Variants in GIPC1 observed in about 807,000 individuals in gnomAD.
GIPC1 encodes the protein GIPC PDZ domain containing family member 1.
In GIPC1, 15 loss-of-function variants were observed where a neutral mutation model predicts 28.5. The ratio of observed to expected loss-of-function variants is 0.53; its 90% CI spans 0.35 to 0.81. GIPC1 has a LOEUF of 0.81. GIPC1 is among the 30% of genes least tolerant of loss of function. The pLI is 0.01. For missense variants in GIPC1, 439 were observed against 481.9 expected, an observed-to-expected ratio of 0.91 and a Z score of 0.83; for synonymous variants, 224 against 206.1, an observed-to-expected ratio of 1.09 and a Z score of -0.74.
At chr19:14,495,196 C>T (rs1034064744) in intron 1 of GIPC1, among the ~76,000 whole-genome samples, 1 of 152,140 alleles carries the variant, frequency 6.6e-6, no homozygotes, top group African/African-American at 2.4e-5. Flanking sequence ...CTTCTCTGGA[C>T]CCAGGTAGTT....
At chr19:14,492,056 A>T (rs1436592723) in intron 2 of GIPC1, among the ~76,000 whole-genome samples, 2 of 151,852 alleles carry the variant, frequency 1.3e-5, no homozygotes, top group Non-Finnish European at 2.9e-5. Flanking sequence ...TGACAGAGTG[A>T]GGCTCCATCT....
rs780736806 is a variant in GIPC1 at position 14,480,755 on chromosome 19, G to A, written c.312C>T (p.Thr104=). 1.2e-6 allele frequency: 2 copies of A among 1,613,246 alleles called. No homozygotes were observed. Among genetic ancestry groups the A allele is most frequent in the Admixed American group, 1.7e-5 (1 of 59,948 alleles). The stretch of plus-strand genomic sequence containing the variant: ...GGAGCTTGTCCATGTCCACTTTGTG[G>A]GTGTTCAGGGTGCAGAACATCACCT... ...TAEVMFCTLN[T]HKVDMDKLLG... The change falls in exon 5 of 9, where the codon ACC becomes ACT. Residue 104 remains threonine (T), a synonymous_variant. Transcript: ENST00000393033.
chr19:14,485,610 C>T (rs2071816087), intron 3 of GIPC1, among the ~76,000 whole-genome samples: 2 of 149,282 alleles, frequency 1.3e-5, no homozygotes, highest in South Asian at 4.3e-4. Context: ...AGAGATCGTG[C>T]CAATGCACTC....
intron 3 of GIPC1, among the ~76,000 whole-genome samples, chr19:14,487,481 G>A (rs1179702222): frequency 1.1e-4 from 16 of 151,288 alleles, no homozygotes; most frequent in Admixed American, 9.9e-4. Context: ...TGATTCGCTC[G>A]CCTCAGCCTC....
intron 3 of GIPC1, among the ~76,000 whole-genome samples, chr19:14,490,920 A>G: frequency 6.7e-6 from 1 of 148,908 alleles, no homozygotes; most frequent in Non-Finnish European, 1.5e-5. Flanking sequence ...GCTTGCAGTG[A>G]GCCGAGATCA....
chr19:14,484,478 G>A (rs2071795371), intron 3 of GIPC1, among the ~76,000 whole-genome samples: 1 of 151,588 alleles, frequency 6.6e-6, no homozygotes, highest in Non-Finnish European at 1.5e-5. Context: ...GGGTGCGGTG[G>A]CTCATGCCTG....
intron 1 of GIPC1, among the ~76,000 whole-genome samples, chr19:14,493,606 C>T (rs2072016663): frequency 6.6e-6 from 1 of 151,900 alleles, no homozygotes; most frequent in Non-Finnish European, 1.5e-5. Flanking sequence ...TACAGGCACG[C>T]ACCACCACAT....
At position 14,482,769 on chromosome 19, in the gene GIPC1, T is replaced by C. The variant is rs1599351439; in HGVS notation, c.208A>G (p.Thr70Ala). ...FHTQLAHGSP[T>A]GRIEGFTNVK... Reference sequence around the variant, plus strand: ...TTGGTGAAGCCCTCGATGCGGCCAGTGGGACTGCCATGGGCCAGCTGGGTG... The same window carrying C: ...TTGGTGAAGCCCTCGATGCGGCCAGCGGGACTGCCATGGGCCAGCTGGGTG... The change falls in exon 4 of 9, where the codon ACT becomes GCT. Residue 70 changes from threonine to alanine, a missense_variant. Transcript: ENST00000393033. 3 of 1,609,990 alleles carry C rather than the reference T, an allele frequency of 1.9e-6. No individual in the cohort carries two copies. The highest frequency in any genetic ancestry group is 2.5e-6 in the Non-Finnish European group (3 of 1,179,282).
intron 4 of GIPC1, chr19:14,482,247 T>C (rs939966546): frequency 1.9e-5 from 4 of 208,072 alleles, no homozygotes; most frequent in South Asian, 1.4e-4. Context: ...TCTCAATCCA[T>C]CCATCCAATC....
At chr19:14,490,808 C>T (rs1333170527) in intron 3 of GIPC1, among the ~76,000 whole-genome samples, 2 of 149,192 alleles carry the variant, frequency 1.3e-5, no homozygotes, top group African/African-American at 5.0e-5. Context: ...CCCGTCTCTA[C>T]TAAAAATACA....
intron 3 of GIPC1, among the ~76,000 whole-genome samples, chr19:14,484,774 C>T (rs2071800376): frequency 6.6e-6 from 1 of 151,922 alleles, no homozygotes; most frequent in Non-Finnish European, 1.5e-5. Flanking sequence ...ACAAAAAACA[C>T]TTTTTGCAGA....
rs533523670 is a variant in GIPC1 at position 14,484,714 on chromosome 19, G to A, written c.-30-1708C>T. 2.0e-5 allele frequency among the ~76,000 whole-genome samples: 3 copies of A among 151,732 alleles called. No homozygotes were observed. The South Asian group carries it at 6.3e-4, about 32-fold the overall frequency. On this transcript the variant is annotated intron_variant, in intron 3 of 8. Transcript: ENST00000393033. ...GTGAGCTGAGACCGTGCCATTGCCT[G>A]GGTGACAGAATGACACTCCATCTCA...
chr19:14,483,288 T>C (rs2071771770), intron 3 of GIPC1: 2 of 309,344 alleles, frequency 6.5e-6, no homozygotes, highest in East Asian at 6.8e-5. Context: ...AAACCCCACC[T>C]CTACTAAAAA....
rs772666802 is a variant in GIPC1, at chr19:14,480,790, G to A, written c.289-12C>T. Reference sequence around the variant, plus strand: ...GTGCAGAACATCACCTGCAGGGGTGGGAGACGCTGAAACCTCTTCCCCCTC... The same window carrying A: ...GTGCAGAACATCACCTGCAGGGGTGAGAGACGCTGAAACCTCTTCCCCCTC... On this transcript the variant is annotated splice_polypyrimidine_tract_variant and intron_variant, in intron 4 of 8. Coordinates refer to ENST00000393033, the MANE Select transcript of GIPC1 (RefSeq NM_005716.4). 1 of 1,597,008 alleles carries A rather than the reference G, an allele frequency of 6.3e-7. No homozygotes were observed. The highest frequency in any genetic ancestry group is 1.1e-5 in the South Asian group (1 of 90,118).
intron 1 of GIPC1, 36 bp from the exon 2 acceptor site, chr19:14,492,948 T>A (rs2072002220): frequency 6.6e-6 from 1 of 152,258 alleles, no homozygotes. Flanking sequence ...ACTCTCAAGG[T>A]GGTTGTGGAA....
In GIPC1 at chr19:14,478,599, A is replaced by G. The variant is rs373226330; in HGVS notation, c.851-32T>C. ...GGGGAGGGGTCAGAACGGAGGCACA[A>G]ATGACACCAGGGACCAAGGGGCTCA... On this transcript the variant is annotated intron_variant, in intron 8 of 8. Coordinates refer to ENST00000393033, the MANE Select transcript of GIPC1 (RefSeq NM_005716.4). The surrounding 1 kb of genome is among the most constrained non-coding windows in gnomAD (Gnocchi z 5.2). The G allele has an allele frequency of 7.4e-6, 12 of 1,613,428 alleles. No individual in the cohort carries two copies. The highest frequency in any genetic ancestry group is 1.3e-5 in the African/African-American group (1 of 74,832).
intron 7 of GIPC1, 60 bp downstream of exon 7, chr19:14,479,352 C>CAA (rs756237132): frequency 0.016 from 9,773 of 594,592 alleles, 11 homozygotes; most frequent in African/African-American, 0.029. Context: ...GACTCTGTCT[C>CAA]AAAAAAAAAA....
chr19:14,479,708 G>A (rs1032752733), intron 6 of GIPC1, 184 bp from the exon 7 acceptor site: 1 of 449,060 alleles, frequency 2.2e-6, no homozygotes, highest in Non-Finnish European at 3.9e-6. Flanking sequence ...TGGCATGGAT[G>A]TGGGGCAGAG....
intron 1 of GIPC1, among the ~76,000 whole-genome samples, chr19:14,495,240 A>T (rs1277830918): frequency 6.7e-6 from 1 of 149,042 alleles, no homozygotes; most frequent in Non-Finnish European, 1.5e-5. Context: ...GGAGAAGGGA[A>T]AGGAGGGCAG....
Sources: allele counts gnomAD v4.1 joint callset (sites outside exome capture counted in the v4.1 genomes callset), GRCh38; gene constraint gnomAD v4.1.1; non-coding constraint Gnocchi (gnomAD v3.1); transcripts MANE v1.5; gene names NCBI Gene and HGNC (gene_info 2026-07-23, HGNC 2026-07-21).